Variants in LIN28B observed in about 807,000 individuals in gnomAD.
The protein encoded by LIN28B is lin-28 RNA binding posttranscriptional regulator B, also known as protein lin-28 homolog B.
In LIN28B, 5 loss-of-function variants were observed where a neutral mutation model predicts 21.9. The ratio of observed to expected loss-of-function variants is 0.23; its 90% CI spans 0.12 to 0.48. LIN28B has a LOEUF of 0.48. Ranked by LOEUF, LIN28B falls within the 20% of genes least tolerant of loss-of-function variation. LIN28B has a pLI of 0.98. For missense variants in LIN28B, 245 were observed against 310.5 expected, an observed-to-expected ratio of 0.79 and a Z score of 1.58; for synonymous variants, 109 against 111.3, an observed-to-expected ratio of 0.98 and a Z score of 0.13.
chr6:104,948,720 T>G (rs890621359), intron 2 of LIN28B, among the ~76,000 whole-genome samples: 3 of 152,202 alleles, frequency 2.0e-5, no homozygotes, highest in Admixed American at 1.3e-4. Context: ...CAATGCTATT[T>G]TTTCTACTCT....
chr6:104,977,926 A>G (rs1213335391), intron 2 of LIN28B, among the ~76,000 whole-genome samples: 2 of 152,224 alleles, frequency 1.3e-5, no homozygotes, highest in East Asian at 1.9e-4. Flanking sequence ...GAAAAAAAGC[A>G]TAATACATTA....
At chr6:105,069,325 A>G (rs922329140) in intron 3 of LIN28B, among the ~76,000 whole-genome samples, 2 of 152,228 alleles carry the variant, frequency 1.3e-5, no homozygotes, top group African/African-American at 4.8e-5. Flanking sequence ...AAATTATTTT[A>G]GATGTAGGCA....
intron 2 of LIN28B, among the ~76,000 whole-genome samples, chr6:105,021,119 GTGATATT>G (rs1031525469): frequency 1.3e-5 from 2 of 151,990 alleles, no homozygotes; most frequent in African/African-American, 4.8e-5. Context: ...GTGAGAACAT[GTGATATT>G]TGACTTTCTG....
intron 2 of LIN28B, among the ~76,000 whole-genome samples, chr6:104,984,511 A>G (rs951186753): frequency 4.0e-5 from 6 of 151,244 alleles, no homozygotes; most frequent in African/African-American, 1.2e-4. Context: ...CCTGAGGTGC[A>G]GTGGCTCACT....
intron 1 of LIN28B, 114 bp downstream of exon 1, chr6:104,957,374 G>A: frequency 1.7e-6 from 1 of 585,774 alleles, no homozygotes; most frequent in Non-Finnish European, 2.8e-6. Flanking sequence ...CCCCAATACT[G>A]GGCATTACCT....
At chr6:105,021,429 T>C (rs1304505465) in intron 2 of LIN28B, among the ~76,000 whole-genome samples, 1 of 152,212 alleles carries the variant, frequency 6.6e-6, no homozygotes, top group Admixed American at 6.5e-5. Context: ...TTTTAGTTCT[T>C]TGGTAAATCT....
At chr6:105,061,599 T>A (rs564296911) in intron 3 of LIN28B, among the ~76,000 whole-genome samples, 2 of 149,676 alleles carry the variant, frequency 1.3e-5, no homozygotes, top group African/African-American at 4.9e-5. Flanking sequence ...ACCTACCATT[T>A]ATATATGGAG....
intron 2 of LIN28B, among the ~76,000 whole-genome samples, chr6:105,003,855 AAAATC>A (rs1220506798): frequency 2.6e-5 from 4 of 152,222 alleles, no homozygotes; most frequent in Non-Finnish European, 2.9e-5. Context: ...ATAATTTTAA[AAAATC>A]AATTGTTCTA....
chr6:104,977,366 T>A (rs1249018644), intron 2 of LIN28B, among the ~76,000 whole-genome samples: 1 of 152,180 alleles, frequency 6.6e-6, no homozygotes, highest in Non-Finnish European at 1.5e-5. Flanking sequence ...GAACCTTCTT[T>A]CTCCAAGGGC....
rs1030550834 is a variant in LIN28B, at chr6:105,065,567, G to T, written c.384-12847G>T. 2.6e-5 allele frequency among the ~76,000 whole-genome samples: 4 copies of T among 152,216 alleles called. No homozygotes were observed. In the East Asian group the frequency reaches 7.7e-4, roughly 29 times the overall value. ...TTTATACTTCATCGTTTTCCTCAGC[G>T]GTAGCTGGTGCTGGAATGGGAGACC... On this transcript the variant is annotated intron_variant, in intron 3 of 3. Transcript: ENST00000345080.
In LIN28B at chr6:105,053,122, A is replaced by G. The variant is rs1016685811; in HGVS notation, c.384-25292A>G. ...TTTGATCTAAGTGTTATTTAAAAAT[A>G]TATTGTATTATTAATATTTTGGAAT... On this transcript the variant is annotated intron_variant, in intron 3 of 3. Coordinates refer to ENST00000345080, the MANE Select transcript of LIN28B (RefSeq NM_001004317.4). Among the ~76,000 whole-genome samples, 12 of 152,222 alleles carry G rather than the reference A, an allele frequency of 7.9e-5. No homozygotes were observed. In the South Asian group the frequency reaches 1.9e-3, roughly 24 times the overall value.
At chr6:105,059,858 C>T (rs920493163) in intron 3 of LIN28B, among the ~76,000 whole-genome samples, 7 of 151,968 alleles carry the variant, frequency 4.6e-5, no homozygotes, top group Non-Finnish European at 1.0e-4. Context: ...TACATTCCAG[C>T]ATCTTACAAT....
intron 3 of LIN28B, among the ~76,000 whole-genome samples, chr6:105,032,284 C>T (rs936787592): frequency 6.6e-6 from 1 of 152,012 alleles, no homozygotes; most frequent in African/African-American, 2.4e-5. Context: ...GGGATTGCTG[C>T]ATAATAAGGT....
chr6:105,023,799 A>G (rs1343288150), intron 2 of LIN28B, among the ~76,000 whole-genome samples: 7 of 146,788 alleles, frequency 4.8e-5, no homozygotes, highest in Non-Finnish European at 1.0e-4. Context: ...AAGAGCTGGA[A>G]TTTTACTTTA....
At position 104,979,427 on chromosome 6, in the gene LIN28B, C is replaced by T. The variant is rs541020062; in HGVS notation, c.198+21141C>T. 9.2e-5 allele frequency among the ~76,000 whole-genome samples: 14 copies of T among 151,962 alleles called. No individual in the cohort carries two copies. In the South Asian group the frequency reaches 2.1e-3, roughly 23 times the overall value. On this transcript the variant is annotated intron_variant, in intron 2 of 3. Coordinates refer to ENST00000345080, the MANE Select transcript of LIN28B (RefSeq NM_001004317.4). ...TTCACCATGTTGGCCAGGCTGGTCT[C>T]GAACTTCCTGACCTCAAGTCATCCA...
intron 3 of LIN28B, chr6:104,950,571 G>C: frequency 3.1e-6 from 3 of 980,652 alleles, no homozygotes; most frequent in Non-Finnish European, 3.9e-6. Context: ...GATCAAGATC[G>C]CTAGAGGCAT....
chr6:105,026,533 T>C (rs762520833), intron 3 of LIN28B, 51 bp downstream of exon 3: 1 of 1,246,362 alleles, frequency 8.0e-7, no homozygotes, highest in African/African-American at 1.5e-5. Flanking sequence ...TTGGAAAGGA[T>C]TTCTGAAAAT....
intron 3 of LIN28B, among the ~76,000 whole-genome samples, chr6:105,041,077 ATT>A (rs113960302): frequency 2.1e-5 from 3 of 140,732 alleles, no homozygotes; most frequent in Non-Finnish European, 3.1e-5. Context: ...ACAACCAATA[ATT>A]TTTTTTTTTT....
intron 2 of LIN28B, among the ~76,000 whole-genome samples, chr6:105,011,010 A>G (rs530255106): frequency 5.9e-5 from 9 of 152,288 alleles, no homozygotes; most frequent in Non-Finnish European, 1.2e-4. Context: ...TTGGGAGATA[A>G]CTTTCCTTGC....
Sources: gnomAD v4.1 joint callset for allele counts (sites outside exome capture counted in the v4.1 genomes callset) on GRCh38, gnomAD v4.1.1 for gene constraint, MANE v1.5 for transcripts, NCBI Gene and HGNC (gene_info 2026-07-23, HGNC 2026-07-21) for gene names.